Variants in CNMD observed in about 807,000 individuals in gnomAD.
CNMD encodes chondromodulin.
CNMD carries 30 observed loss-of-function variants against 37.5 expected under a neutral mutation model. The ratio of observed to expected loss-of-function variants is 0.80; its 90% CI spans 0.60 to 1.09. The LOEUF (loss-of-function observed/expected upper bound fraction) is 1.09, where lower values mean the gene tolerates loss of function less well. Among genes scored for constraint, CNMD ranks in the 50% least tolerant of loss-of-function variants. The probability of loss-of-function intolerance (pLI) is 0.00; values close to 1 mark genes in which losing one functional copy is unlikely to be tolerated. For missense variants in CNMD, 398 were observed against 423.9 expected, an observed-to-expected ratio of 0.94 and a Z score of 0.54; for synonymous variants, 167 against 148.2, an observed-to-expected ratio of 1.13 and a Z score of -0.92.
chr13:52,725,414 A>AC (rs1234117170), intron 3 of CNMD, among the ~76,000 whole-genome samples: 3 of 151,392 alleles, frequency 2.0e-5, no homozygotes, highest in Admixed American at 6.6e-5. Context: ...TCTATACCTT[A>AC]CCCAAGGACT....
intron 5 of CNMD, 67 bp from the exon 6 acceptor site, chr13:52,708,769 A>G: frequency 7.6e-7 from 1 of 1,308,778 alleles, no homozygotes; most frequent in Non-Finnish European, 1.1e-6. Flanking sequence ...TGTGTTTATC[A>G]GGGTGAAAAA....
At chr13:52,733,439 G>T (rs763780195) in intron 2 of CNMD, 80 bp from the exon 3 acceptor site, 1 of 1,245,408 alleles carries the variant, frequency 8.0e-7, no homozygotes, top group Non-Finnish European at 1.2e-6. Flanking sequence ...AGTGTATGAG[G>T]TAGTGTCCAT....
chr13:52,730,007 G>A (rs893491267), intron 3 of CNMD, among the ~76,000 whole-genome samples: 39 of 142,606 alleles, frequency 2.7e-4, no homozygotes, highest in East Asian at 1.2e-3. Flanking sequence ...GGTGTGTGAC[G>A]TTCCCCTTCC....
At chr13:52,708,967 C>T (rs989953374) in intron 5 of CNMD, among the ~76,000 whole-genome samples, 18 of 152,064 alleles carry the variant, frequency 1.2e-4, no homozygotes, top group African/African-American at 4.1e-4. Context: ...TCAAGACCAC[C>T]TCCCCCCTTT....
At chr13:52,732,621 A>T (rs1013701862) in intron 3 of CNMD, among the ~76,000 whole-genome samples, 2 of 152,242 alleles carry the variant, frequency 1.3e-5, no homozygotes, top group Non-Finnish European at 1.5e-5. Context: ...TGAGAAAAGT[A>T]TGCAAATAGA....
At chr13:52,714,947 C>A (rs1964346414) in intron 4 of CNMD, among the ~76,000 whole-genome samples, 1 of 152,152 alleles carries the variant, frequency 6.6e-6, no homozygotes, top group Non-Finnish European at 1.5e-5. Context: ...ACTTATTCAA[C>A]ATATGGCTAT....
rs540653973 is a variant in CNMD at position 52,726,749 on chromosome 13, C to A, written c.355-2639G>T. 4.4e-4 allele frequency among the ~76,000 whole-genome samples: 67 copies of A among 151,712 alleles called. 2 individuals carry two copies. In the South Asian group the frequency reaches 0.013, roughly 29 times the overall value. The stretch of plus-strand genomic sequence containing the variant: ...TAATTCTCCAGCAACAGATCACAAT[C>A]AAAAACAAATTTATGAAATCCCAGA... On this transcript the variant is annotated intron_variant, in intron 3 of 6. Coordinates refer to ENST00000377962, the MANE Select transcript of CNMD (RefSeq NM_007015.3).
rs759531737 is a variant in CNMD at position 52,739,599 on chromosome 13, C to T, written c.72+31G>A. 2 of 1,592,994 alleles carry T rather than the reference C, an allele frequency of 1.3e-6. No individual in the cohort carries two copies. The highest frequency in any genetic ancestry group is 1.7e-5 in the Admixed American group (1 of 59,962). On this transcript the variant is annotated intron_variant, in intron 1 of 6. Transcript: ENST00000377962. The surrounding 1 kb of genome is among the most constrained non-coding windows in gnomAD (Gnocchi z 5.4). ...GAACCTGATACTCACACAACCCAGG[C>T]CCTGCGTGTGGAATCCCTGGCGGTA...
At chr13:52,714,360 G>A (rs1964335989) in intron 4 of CNMD, among the ~76,000 whole-genome samples, 1 of 152,054 alleles carries the variant, frequency 6.6e-6, no homozygotes, top group South Asian at 2.1e-4. Flanking sequence ...GTAGTTTTCT[G>A]TTACTGACAG....
At chr13:52,705,424 ATCTTAC>A (rs1180050086) in intron 6 of CNMD, among the ~76,000 whole-genome samples, 5 of 152,222 alleles carry the variant, frequency 3.3e-5, no homozygotes, top group South Asian at 4.1e-4. Flanking sequence ...AATATTTATT[ATCTTAC>A]TCTTAAAGCA....
chr13:52,738,531 T>A (rs1323258040), intron 2 of CNMD, among the ~76,000 whole-genome samples: 1 of 152,178 alleles, frequency 6.6e-6, no homozygotes, highest in Non-Finnish European at 1.5e-5. Context: ...GGAATGTTCA[T>A]GGCTAGGTCA....
At chr13:52,725,430 G>GTT (rs1555279685) in intron 3 of CNMD, among the ~76,000 whole-genome samples, 63 of 148,680 alleles carry the variant, frequency 4.2e-4, no homozygotes, top group African/African-American at 1.4e-3. Context: ...GGACTTAGAT[G>GTT]TTTTTTTTTT....
intron 2 of CNMD, 67 bp from the exon 3 acceptor site, chr13:52,733,426 G>C: frequency 2.2e-6 from 3 of 1,387,804 alleles, no homozygotes; most frequent in South Asian, 1.2e-5. Flanking sequence ...TCTTTAGAAG[G>C]GCAGTGTATG....
intron 4 of CNMD, among the ~76,000 whole-genome samples, chr13:52,721,411 C>T (rs1425332243): frequency 6.6e-6 from 1 of 152,212 alleles, no homozygotes; most frequent in Non-Finnish European, 1.5e-5. Context: ...AAACCCAGGG[C>T]CCTGGTGGTG....
At chr13:52,737,095 C>T (rs73188579) in intron 2 of CNMD, among the ~76,000 whole-genome samples, 8 of 152,054 alleles carry the variant, frequency 5.3e-5, no homozygotes, top group African/African-American at 1.4e-4. Flanking sequence ...ATAGAGGAGC[C>T]GAGGCACAGA....
chr13:52,708,149 G>A (rs1026864063), intron 6 of CNMD, among the ~76,000 whole-genome samples: 2 of 151,176 alleles, frequency 1.3e-5, no homozygotes, highest in African/African-American at 2.4e-5. Flanking sequence ...ACTTATATGC[G>A]CGTTTGAAAC....
chr13:52,739,457 G>A lies in CNMD; in HGVS notation c.72+173C>T. ...CCCTCCGCACCCGCCTGTGGATGCC[G>A]TGACCCCTGCACACTCATACGCGTG... On this transcript the variant is annotated intron_variant, in intron 1 of 6. Transcript: ENST00000377962. This position sits in a 1 kb window ranked among gnomAD's most constrained non-coding sequence, Gnocchi z 5.4. 1.4e-6 allele frequency: 1 copy of A among 691,720 alleles called. No individual in the cohort carries two copies. Among genetic ancestry groups the A allele is most frequent in the Non-Finnish European group, 2.5e-6 (1 of 402,050 alleles). 42.8% of individuals were successfully genotyped at this position (691,720 alleles called of 1,614,324 possible). A position where few individuals can be genotyped will look rare whatever the true frequency, so the allele number is the denominator to read the frequency against.
At chr13:52,705,060 G>GA (rs34921261) in intron 6 of CNMD, among the ~76,000 whole-genome samples, 140,477 of 148,634 alleles carry the variant, frequency 0.95, 66,391 homozygotes, top group East Asian at 0.98. Context: ...CTCTGTCTTG[G>GA]AAAAAAAAAA....
At chr13:52,724,902 AAAACAAAC>A (rs565344191) in intron 3 of CNMD, among the ~76,000 whole-genome samples, 1 of 152,202 alleles carries the variant, frequency 6.6e-6, no homozygotes, top group African/African-American at 2.4e-5. Flanking sequence ...CAAAAAAATA[AAAACAAAC>A]AAACAAACAA....
Sources: gnomAD v4.1 joint callset for allele counts (sites outside exome capture counted in the v4.1 genomes callset) on GRCh38, gnomAD v4.1.1 for gene constraint, Gnocchi (gnomAD v3.1) non-coding constraint, MANE v1.5 for transcripts, NCBI Gene and HGNC (gene_info 2026-07-23, HGNC 2026-07-21) for gene names.